LUZP1: variants seen among roughly 807,000 people sequenced by gnomAD.
LUZP1 encodes the protein filamin mechanobinding actin cross-linking protein.
A neutral mutation model predicts 71.3 loss-of-function variants in LUZP1; 25 were observed. The ratio of observed to expected loss-of-function variants is 0.35; its 90% CI spans 0.26 to 0.49. The LOEUF is 0.49. LUZP1 is among the 20% of genes least tolerant of loss of function. The pLI is 0.99. For synonymous variants in LUZP1, 481 were observed against 506.4 expected, an observed-to-expected ratio of 0.95 and a Z score of 0.67; for missense variants, 1,142 against 1,300.8, an observed-to-expected ratio of 0.88 and a Z score of 1.88.
intron 3 of LUZP1, among the ~76,000 whole-genome samples, chr1:23,107,654 A>G (rs1643994163): frequency 6.6e-6 from 1 of 152,132 alleles, no homozygotes; most frequent in Non-Finnish European, 1.5e-5. Context: ...TACAAAAATT[A>G]GCCCAGGCGT....
chr1:23,142,061 G>T (rs1644307383), intron 2 of LUZP1, among the ~76,000 whole-genome samples: 2 of 151,636 alleles, frequency 1.3e-5, no homozygotes, highest in South Asian at 2.1e-4. Context: ...GGTCAGAGTG[G>T]TCTTGAACTC....
At chr1:23,117,514 G>A (rs1188449189) in intron 2 of LUZP1, among the ~76,000 whole-genome samples, 1 of 61,168 alleles carries the variant, frequency 1.6e-5, no homozygotes, top group Non-Finnish European at 2.8e-5. Flanking sequence ...CCCTGGGGGG[G>A]GGGGCGGGGG....
chr1:23,092,188 C>G (rs1441484248), exon 4 of LUZP1: 1 of 1,614,122 alleles, frequency 6.2e-7, no homozygotes, highest in Non-Finnish European at 8.5e-7. Context: ...TTAGCCTTTT[C>G]TCTAGAGTTA....
chr1:23,169,810 A>G (rs978739790), intron 1 of LUZP1, among the ~76,000 whole-genome samples: 1 of 152,180 alleles, frequency 6.6e-6, no homozygotes, highest in Admixed American at 6.5e-5. Flanking sequence ...ACACGCTGGC[A>G]CGCAGCAGCA....
chr1:23,096,790 T>C (rs892270313), intron 3 of LUZP1, among the ~76,000 whole-genome samples: 1 of 151,986 alleles, frequency 6.6e-6, no homozygotes, highest in East Asian at 1.9e-4. Flanking sequence ...CTGAACAACA[T>C]GATGAGACCC....
intron 2 of LUZP1, among the ~76,000 whole-genome samples, chr1:23,124,108 G>A (rs1644151725): frequency 6.6e-6 from 1 of 152,096 alleles, no homozygotes; most frequent in African/African-American, 2.4e-5. Context: ...TACACACCAT[G>A]GTAAAGTTTC....
At chr1:23,115,604 G>A (rs1569596520) in intron 2 of LUZP1, among the ~76,000 whole-genome samples, 1 of 152,034 alleles carries the variant, frequency 6.6e-6, no homozygotes, top group South Asian at 2.1e-4. Flanking sequence ...GCAGTGGCAC[G>A]ATCTCGGCTC....
intron 2 of LUZP1, among the ~76,000 whole-genome samples, chr1:23,117,478 C>CTCTCTCTCTCTCTCT (rs35662791): frequency 1.1e-4 from 2 of 17,448 alleles, no homozygotes; most frequent in African/African-American, 2.6e-4. Flanking sequence ...TCTCTCTCTC[C>CTCTCTCTCTCTCTCT]CCCCCCCCCC....
chr1:23,149,361 C>G lies in LUZP1; in HGVS notation c.-226+19405G>C, dbSNP rs1234540608. Among the ~76,000 whole-genome samples the G allele has an allele frequency of 3.9e-5, 6 of 152,226 alleles. No individual in the cohort carries two copies. In the South Asian group the frequency reaches 6.2e-4, roughly 16 times the overall value. The stretch of plus-strand genomic sequence containing the variant: ...CATGCTCCACCCTTTCTCTGCTAGT[C>G]AGTACAGGCCACAAGATGAACACCA... On this transcript the variant is annotated intron_variant, in intron 2 of 4. Transcript: ENST00000302291.
intron 2 of LUZP1, among the ~76,000 whole-genome samples, chr1:23,130,644 G>T (rs988884298): frequency 6.6e-6 from 1 of 151,176 alleles, no homozygotes; most frequent in Admixed American, 6.6e-5. Flanking sequence ...GATTTCAGGC[G>T]TGAACCACCA....
At chr1:23,171,146 T>TA (rs1644550908) in intron 1 of LUZP1, among the ~76,000 whole-genome samples, 1 of 149,662 alleles carries the variant, frequency 6.7e-6, no homozygotes, top group Non-Finnish European at 1.5e-5. Flanking sequence ...ATATGTATTT[T>TA]TATATATAAC....
chr1:23,088,654 A>G (rs1643803998), exon 5 of LUZP1: 2 of 452,492 alleles, frequency 4.4e-6, no homozygotes, highest in African/African-American at 2.0e-5. Flanking sequence ...GACAGGGACA[A>G]GGAGAGAGAG....
At chr1:23,130,468 A>T (rs1489293049) in intron 2 of LUZP1, among the ~76,000 whole-genome samples, 1 of 152,096 alleles carries the variant, frequency 6.6e-6, no homozygotes, top group Non-Finnish European at 1.5e-5. Context: ...TAAGAAAAAA[A>T]TAAAAGAGGG....
chr1:23,152,689 C>A (rs1644393642), intron 2 of LUZP1, among the ~76,000 whole-genome samples: 1 of 152,064 alleles, frequency 6.6e-6, no homozygotes, highest in South Asian at 2.1e-4. Flanking sequence ...CACCACCATG[C>A]CCGGCTACTT....
At chr1:23,138,997 CAAAAAAAAA>C (rs535524035) in intron 2 of LUZP1, among the ~76,000 whole-genome samples, 6 of 21,590 alleles carry the variant, frequency 2.8e-4, no homozygotes, top group Admixed American at 9.2e-4. Flanking sequence ...GACTCCATCT[CAAAAAAAAA>C]AAAAAAAAAA....
chr1:23,092,737 G>A lies in LUZP1; in HGVS notation c.1525C>T (p.Arg509Ter), dbSNP rs1183284764. The change falls in exon 4 of 5, where the codon CGA becomes TGA. Residue 509 changes from arginine (R) to a stop codon, truncating the protein, a stop_gained. Coordinates refer to ENST00000302291, the Ensembl canonical transcript of LUZP1. LOFTEE classifies it high-confidence loss of function. ...CCATGGGTGGTGTCACTAAACGTTC[G>A]TGTTGTCTTCTCCACTTTTCCCTTC... The A allele has an allele frequency of 6.2e-7, 1 of 1,613,950 alleles. No individual in the cohort carries two copies. The highest frequency in any genetic ancestry group is 8.5e-7 in the Non-Finnish European group (1 of 1,179,900).
At chr1:23,173,343 G>GTTTTT (rs1557704121) in intron 1 of LUZP1, among the ~76,000 whole-genome samples, 2 of 102,726 alleles carry the variant, frequency 1.9e-5, no homozygotes, top group Non-Finnish European at 4.2e-5. Context: ...TTTTGTTTTT[G>GTTTTT]TTTTTTCTTT....
intron 2 of LUZP1, among the ~76,000 whole-genome samples, chr1:23,162,041 A>G (rs1443351434): frequency 1.3e-5 from 2 of 151,652 alleles, no homozygotes; most frequent in Non-Finnish European, 2.9e-5. Context: ...AAAAAAAAAA[A>G]AAAAAAAAGC....
chr1:23,176,809 T>A (rs1644584687), intron 1 of LUZP1, among the ~76,000 whole-genome samples: 1 of 152,202 alleles, frequency 6.6e-6, no homozygotes, highest in Admixed American at 6.5e-5. Flanking sequence ...GCTATAGACA[T>A]AGAGGAACCT....
Sources: gnomAD v4.1 joint callset for allele counts (sites outside exome capture counted in the v4.1 genomes callset) on GRCh38, gnomAD v4.1.1 for gene constraint, MANE v1.5 for transcripts, NCBI Gene and HGNC (gene_info 2026-07-23, HGNC 2026-07-21) for gene names.